Variants in TMEM123 observed in about 807,000 individuals in gnomAD.
The protein encoded by TMEM123 is transmembrane protein 123.
TMEM123 carries 16 observed loss-of-function variants against 19.7 expected under a neutral mutation model. That is an observed-to-expected ratio of 0.81 (90% CI 0.55 to 1.23). The LOEUF (loss-of-function observed/expected upper bound fraction) is 1.23, where lower values mean the gene tolerates loss of function less well. Among genes scored for constraint, TMEM123 ranks in the 50% most tolerant of loss-of-function variants. The probability of loss-of-function intolerance (pLI) is 0.00; values close to 1 mark genes in which losing one functional copy is unlikely to be tolerated. For missense variants in TMEM123, 313 were observed against 257.8 expected, an observed-to-expected ratio of 1.21 and a Z score of -1.47; for synonymous variants, 118 against 99.4, an observed-to-expected ratio of 1.19 and a Z score of -1.12.
Position 102,401,550 on chromosome 11 carries a change from C to T in TMEM123, c.591G>A (p.Arg197=). 1.3e-6 allele frequency: 2 copies of T among 1,582,034 alleles called. No individual in the cohort carries two copies. The highest frequency in any genetic ancestry group is 1.7e-6 in the Non-Finnish European group (2 of 1,171,446). The change falls in exon 4 of 5, where the codon CGG becomes CGA. Residue 197 remains arginine, a synonymous_variant. Transcript: ENST00000398136. ...CATTCAAAACTTACATGGTTCGATA[C>T]CGAATGCCTCTTCTTGAGTAATACA... ...CKMYYSRRGI[R]YRTIDEHDAI...
chr11:102,396,706 C>A lies in TMEM123; in HGVS notation c.*2161G>T, dbSNP rs923465551. ...CCTCAATTTTTATAGATAACAACAA[C>A]AAAAAAACCTACATTCAAAGTACGG... On this transcript the variant is annotated 3_prime_UTR_variant, in exon 5 of 5. Transcript: ENST00000398136. 4.6e-5 allele frequency: 7 copies of A among 151,766 alleles called. No homozygotes were observed. Among genetic ancestry groups the A allele is most frequent in the Admixed American group, 2.6e-4 (4 of 15,256 alleles). 9.4% of individuals were successfully genotyped at this position (151,766 alleles called of 1,614,324 possible).
At chr11:102,407,169 G>A (rs1344322438) in intron 2 of TMEM123, among the ~76,000 whole-genome samples, 2 of 152,226 alleles carry the variant, frequency 1.3e-5, no homozygotes, top group Non-Finnish European at 2.9e-5. Context: ...CAGAAGTGAG[G>A]AGAAGAGGTG....
chr11:102,425,250 T>C (rs1386324176), intron 2 of TMEM123, among the ~76,000 whole-genome samples: 1 of 152,194 alleles, frequency 6.6e-6, no homozygotes, highest in African/African-American at 2.4e-5. Flanking sequence ...CATATGGTTA[T>C]TGTATGGAAT....
At chr11:102,426,654 T>C (rs548476117) in intron 2 of TMEM123, among the ~76,000 whole-genome samples, 1 of 152,254 alleles carries the variant, frequency 6.6e-6, no homozygotes, top group Non-Finnish European at 1.5e-5. Flanking sequence ...TTTTCCCTGC[T>C]TAAAGAGGCT....
chr11:102,448,911 C>T (rs938938245), intron 1 of TMEM123, 43 bp from the exon 2 acceptor site: 10 of 1,587,636 alleles, frequency 6.3e-6, no homozygotes, highest in Non-Finnish European at 8.6e-6. Context: ...GAACATTTAA[C>T]TAAGAATACT....
At chr11:102,425,504 C>G (rs1297925088) in intron 2 of TMEM123, among the ~76,000 whole-genome samples, 2 of 151,456 alleles carry the variant, frequency 1.3e-5, no homozygotes, top group Non-Finnish European at 2.9e-5. Flanking sequence ...TTTCGTTTGT[C>G]CATCTATCAA....
intron 2 of TMEM123, among the ~76,000 whole-genome samples, chr11:102,440,165 C>T (rs1404255997): frequency 6.6e-6 from 1 of 152,156 alleles, no homozygotes; most frequent in Non-Finnish European, 1.5e-5. Context: ...CCTAGCAAGG[C>T]AGGCCAACAT....
intron 2 of TMEM123, among the ~76,000 whole-genome samples, chr11:102,414,725 T>C (rs1267929421): frequency 6.6e-6 from 1 of 152,146 alleles, no homozygotes; most frequent in Non-Finnish European, 1.5e-5. Context: ...AAAGGGCTAT[T>C]ACAAGCCACC....
chr11:102,405,887 T>C (rs1951952041), intron 2 of TMEM123, among the ~76,000 whole-genome samples: 1 of 152,224 alleles, frequency 6.6e-6, no homozygotes, highest in Admixed American at 6.5e-5. Flanking sequence ...CAAAAGGAAA[T>C]TTTGCATTAA....
chr11:102,448,403 C>T (rs1357391495), intron 2 of TMEM123: 2 of 401,592 alleles, frequency 5.0e-6, no homozygotes, highest in Non-Finnish European at 4.9e-6. Context: ...AGTAGGGTCT[C>T]CTTAGAGTCA....
At chr11:102,432,751 A>T (rs963561624) in intron 2 of TMEM123, among the ~76,000 whole-genome samples, 4 of 152,230 alleles carry the variant, frequency 2.6e-5, no homozygotes, top group African/African-American at 9.6e-5. Flanking sequence ...TAGGAGGGAA[A>T]AATGGTTTCC....
intron 2 of TMEM123, among the ~76,000 whole-genome samples, chr11:102,441,855 A>T (rs1591566980): frequency 6.6e-6 from 1 of 152,360 alleles, no homozygotes; most frequent in South Asian, 2.1e-4. Context: ...GCAATAAAAA[A>T]TGATGAAGGG....
intron 2 of TMEM123, among the ~76,000 whole-genome samples, chr11:102,436,443 G>A (rs757353641): frequency 8.6e-5 from 13 of 151,982 alleles, no homozygotes; most frequent in South Asian, 2.1e-4. Context: ...GATTACAGGC[G>A]TGAGCCACCG....
At chr11:102,443,276 A>G (rs1857846098) in intron 2 of TMEM123, among the ~76,000 whole-genome samples, 1 of 152,240 alleles carries the variant, frequency 6.6e-6, no homozygotes, top group African/African-American at 2.4e-5. Flanking sequence ...TGGAGGCATC[A>G]TGCTACGTGA....
chr11:102,442,305 C>G (rs190645360), intron 2 of TMEM123, among the ~76,000 whole-genome samples: 2 of 152,308 alleles, frequency 1.3e-5, no homozygotes, highest in Non-Finnish European at 2.9e-5. Flanking sequence ...CAGTAAAATA[C>G]TGGCAAACCG....
At chr11:102,444,142 T>C (rs1188857956) in intron 2 of TMEM123, among the ~76,000 whole-genome samples, 2 of 152,230 alleles carry the variant, frequency 1.3e-5, no homozygotes, top group African/African-American at 4.8e-5. Flanking sequence ...AGTGTGGCGA[T>C]TCCTCAAGGA....
chr11:102,397,912 A>AAGTT lies in TMEM123; in HGVS notation c.*951_*954dup, dbSNP rs1163628334. ...ATCATACAAGCGGTTCTTTTTCTTA[A>AAGTT]AGTTAGGTGTGTTTACACTCAATTA... On this transcript the variant is annotated 3_prime_UTR_variant, in exon 5 of 5. Transcript: ENST00000398136. 1 of 152,224 alleles carries AAGTT rather than the reference A, an allele frequency of 6.6e-6. No homozygotes were observed. The highest frequency in any genetic ancestry group is 1.5e-5 in the Non-Finnish European group (1 of 68,032). The allele number at this position is 152,224 out of a possible 1,614,324, so 9.4% of individuals were successfully genotyped here. A position where few individuals can be genotyped will look rare whatever the true frequency, so the allele number is the denominator to read the frequency against.
chr11:102,447,445 G>C (rs918340454), intron 2 of TMEM123, among the ~76,000 whole-genome samples: 1 of 152,160 alleles, frequency 6.6e-6, no homozygotes, highest in Non-Finnish European at 1.5e-5. Flanking sequence ...AACCAGAAAT[G>C]ACACCTACCT....
chr11:102,450,098 G>A (rs1857923133), intron 1 of TMEM123, among the ~76,000 whole-genome samples: 1 of 152,038 alleles, frequency 6.6e-6, no homozygotes, highest in Non-Finnish European at 1.5e-5. Flanking sequence ...ATCAGCAAGT[G>A]ATTAGTCCCA....
Sources: gnomAD v4.1 joint callset for allele counts (sites outside exome capture counted in the v4.1 genomes callset) on GRCh38, gnomAD v4.1.1 for gene constraint, MANE v1.5 for transcripts, NCBI Gene and HGNC (gene_info 2026-07-23, HGNC 2026-07-21) for gene names.